The following CDPF1 variants were observed in gnomAD, a reference collection of about 807,000 sequenced individuals.
CDPF1 encodes the protein cysteine-rich DPF motif domain-containing protein 1.
A neutral mutation model predicts 8.3 loss-of-function variants in CDPF1; 8 were observed. The ratio of observed to expected loss-of-function variants is 0.96; its 90% CI spans 0.57 to 1.74. The LOEUF (loss-of-function observed/expected upper bound fraction) is 1.74, where lower values mean the gene tolerates loss of function less well. CDPF1 is among the 40% of genes most tolerant of loss of function. The pLI, the probability that CDPF1 is intolerant of heterozygous loss-of-function variation, is 0.00. For synonymous variants in CDPF1, 62 were observed against 62.9 expected, an observed-to-expected ratio of 0.99 and a Z score of 0.07; for missense variants, 151 against 155.3, an observed-to-expected ratio of 0.97 and a Z score of 0.15.
chr22:46,244,859 G>C lies in CDPF1; in HGVS notation c.*233C>G. The C allele has an allele frequency of 1.9e-6, 1 of 519,954 alleles. No homozygotes were observed. Among genetic ancestry groups the C allele is most frequent in the Non-Finnish European group, 3.5e-6 (1 of 289,062 alleles). The allele number at this position is 519,954 out of a possible 1,614,324, so 32.2% of individuals were successfully genotyped here. ...AGGGGCATGTGGGGGGACCTGGCCG[G>C]GTTCCTGGCTGTGTCTTGTCTGGCA... is the stretch of plus-strand genomic sequence containing the variant. On this transcript the variant is annotated 3_prime_UTR_variant, in exon 4 of 4. Transcript: ENST00000314567. The surrounding 1 kb of genome is among the most constrained non-coding windows in gnomAD (Gnocchi z 6.7).
Position 46,245,535 on chromosome 22 carries a change from C to G in CDPF1, c.226-297G>C, listed in dbSNP as rs932078046. Among the ~76,000 whole-genome samples the G allele has an allele frequency of 1.3e-5, 2 of 152,224 alleles. No homozygotes were observed. The stretch of plus-strand genomic sequence containing the variant: ...ACGGGGCAGTGACAACAATGGAAAG[C>G]TGGAGCACAGGCCATGCCCCGAAAA... On this transcript the variant is annotated intron_variant, in intron 3 of 3. Transcript: ENST00000314567. This position sits in a 1 kb window ranked among gnomAD's most constrained non-coding sequence, Gnocchi z 6.9.
chr22:46,246,992 G>A lies in CDPF1; in HGVS notation c.225+118C>T. On this transcript the variant is annotated intron_variant, in intron 3 of 3. Transcript: ENST00000314567. This position sits in a 1 kb window ranked among gnomAD's most constrained non-coding sequence, Gnocchi z 7.1. The stretch of plus-strand genomic sequence containing the variant: ...ACCTCTCCCCTTCATCAGCTGAGGG[G>A]CCCCATCTATAATGGGGTGAACCCG... The A allele has an allele frequency of 8.0e-7, 1 of 1,250,644 alleles. No individual in the cohort carries two copies. Among genetic ancestry groups the A allele is most frequent in the South Asian group, 1.4e-5 (1 of 70,700 alleles). 77.5% of individuals were successfully genotyped at this position (1,250,644 alleles called of 1,614,324 possible). A position where few individuals can be genotyped will look rare whatever the true frequency, so the allele number is the denominator to read the frequency against.
chr22:46,248,941 C>T lies in CDPF1; in HGVS notation c.1-657G>A, dbSNP rs1377963570. On this transcript the variant is annotated intron_variant, in intron 1 of 3. Coordinates refer to ENST00000314567, the MANE Select transcript of CDPF1 (RefSeq NM_207327.5). The surrounding 1 kb of genome is among the most constrained non-coding windows in gnomAD (Gnocchi z 4.1). ...GTCTGAGGCAGGAGAATGGCGTGAACCCAGGAGACGGAGCTTGCAGTGAGC... is the reference window on the plus strand; with the variant it reads ...GTCTGAGGCAGGAGAATGGCGTGAATCCAGGAGACGGAGCTTGCAGTGAGC... Among the ~76,000 whole-genome samples the T allele has an allele frequency of 1.3e-5, 2 of 152,194 alleles. No homozygotes were observed. Among genetic ancestry groups the T allele is most frequent in the South Asian group, 4.1e-4 (2 of 4,838 alleles).
At position 46,245,529 on chromosome 22, in the gene CDPF1, G is replaced by A. The variant is rs1355448526; in HGVS notation, c.226-291C>T. On this transcript the variant is annotated intron_variant, in intron 3 of 3. Coordinates refer to ENST00000314567, the MANE Select transcript of CDPF1 (RefSeq NM_207327.5). The surrounding 1 kb of genome is among the most constrained non-coding windows in gnomAD (Gnocchi z 6.9). ...TCCATCACGGGGCAGTGACAACAAT[G>A]GAAAGCTGGAGCACAGGCCATGCCC... is the stretch of plus-strand genomic sequence containing the variant. Among the ~76,000 whole-genome samples the A allele has an allele frequency of 6.6e-6, 1 of 152,208 alleles. No homozygotes were observed. Among genetic ancestry groups the A allele is most frequent in the Non-Finnish European group, 1.5e-5 (1 of 68,032 alleles).
rs1050820966 is a variant in CDPF1, at chr22:46,244,510, C to T, written c.*582G>A. On this transcript the variant is annotated 3_prime_UTR_variant, in exon 4 of 4. Transcript: ENST00000314567. This position sits in a 1 kb window ranked among gnomAD's most constrained non-coding sequence, Gnocchi z 6.7. ...ATGTTTCAGTGGAAGATTCCTTTTC[C>T]AAACATGAGCTGGTTCTTTGGGTTT... 3 of 152,254 alleles carry T rather than the reference C, an allele frequency of 2.0e-5. No individual in the cohort carries two copies. The highest frequency in any genetic ancestry group is 6.5e-5 in the Admixed American group (1 of 15,290). 9.4% of individuals were successfully genotyped at this position (152,254 alleles called of 1,614,324 possible).
chr22:46,246,871 C>G lies in CDPF1; in HGVS notation c.225+239G>C, dbSNP rs1432490027. ...ACTGTTGGTGGGAAGGGGAGGAACC[C>G]TGAGGGGCCACTGGGGTGGGTGCAG... On this transcript the variant is annotated intron_variant, in intron 3 of 3. Transcript: ENST00000314567. The surrounding 1 kb of genome is among the most constrained non-coding windows in gnomAD (Gnocchi z 7.1). The G allele has an allele frequency of 6.5e-7, 1 of 1,529,146 alleles. No homozygotes were observed. The highest frequency in any genetic ancestry group is 8.8e-7 in the Non-Finnish European group (1 of 1,135,232). 94.7% of individuals were successfully genotyped at this position (1,529,146 alleles called of 1,614,324 possible). A position where few individuals can be genotyped will look rare whatever the true frequency, so the allele number is the denominator to read the frequency against.
rs1327188786 is a variant in CDPF1 at position 46,249,644 on chromosome 22, T to A, written c.-1+612A>T. Among the ~76,000 whole-genome samples the A allele has an allele frequency of 7.0e-6, 1 of 142,012 alleles. No individual in the cohort carries two copies. Among genetic ancestry groups the A allele is most frequent in the African/African-American group, 2.7e-5 (1 of 37,734 alleles). 93.2% of individuals were successfully genotyped at this position (142,012 alleles called of 152,430 possible). Reference sequence around the variant, plus strand: ...AGCCTGGGCGACAGGGCGAGACTCCTTCTCAAAAAAATAAAAATTAAAATT... The same window carrying A: ...AGCCTGGGCGACAGGGCGAGACTCCATCTCAAAAAAATAAAAATTAAAATT... On this transcript the variant is annotated intron_variant, in intron 1 of 3. Coordinates refer to ENST00000314567, the MANE Select transcript of CDPF1 (RefSeq NM_207327.5). The surrounding 1 kb of genome is among the most constrained non-coding windows in gnomAD (Gnocchi z 4.6).
rs1031717247 is a variant in CDPF1, at chr22:46,246,523, C to T, written c.225+587G>A. The stretch of plus-strand genomic sequence containing the variant: ...GGACTTCTCAGACTCTGGGGTCACT[C>T]TGAGTACACTGGGCACGCTGTGAAA... On this transcript the variant is annotated intron_variant, in intron 3 of 3. Coordinates refer to ENST00000314567, the MANE Select transcript of CDPF1 (RefSeq NM_207327.5). This position sits in a 1 kb window ranked among gnomAD's most constrained non-coding sequence, Gnocchi z 7.1. 65 of 946,438 alleles carry T rather than the reference C, an allele frequency of 6.9e-5. No homozygotes were observed. The highest frequency in any genetic ancestry group is 1.1e-5 in the Non-Finnish European group (7 of 639,886). The allele number at this position is 946,438 out of a possible 1,614,324, so 58.6% of individuals were successfully genotyped here.
rs959391099 is a variant in CDPF1, at chr22:46,249,813, C to A, written c.-1+443G>T. Among the ~76,000 whole-genome samples the A allele has an allele frequency of 6.6e-6, 1 of 152,096 alleles. No homozygotes were observed. Among genetic ancestry groups the A allele is most frequent in the Non-Finnish European group, 1.5e-5 (1 of 68,014 alleles). On this transcript the variant is annotated intron_variant, in intron 1 of 3. Coordinates refer to ENST00000314567, the MANE Select transcript of CDPF1 (RefSeq NM_207327.5). This position sits in a 1 kb window ranked among gnomAD's most constrained non-coding sequence, Gnocchi z 4.6. ...GAGGTTGCGGTGAGCCGAGATCGCG[C>A]CACTGCATTCCAGCCTGGGCGACAG...
At position 46,248,520 on chromosome 22, in the gene CDPF1, A is replaced by G. The variant is rs1402131897; in HGVS notation, c.1-236T>C. 1.3e-5 allele frequency among the ~76,000 whole-genome samples: 2 copies of G among 152,226 alleles called. No individual in the cohort carries two copies. Among genetic ancestry groups the G allele is most frequent in the Non-Finnish European group, 2.9e-5 (2 of 68,040 alleles). The stretch of plus-strand genomic sequence containing the variant: ...TGTACTGCTAGAGAGAAGGATCCAG[A>G]CAGGATCAAGCCAGAGCACCCATCT... On this transcript the variant is annotated intron_variant, in intron 1 of 3. Transcript: ENST00000314567. This position sits in a 1 kb window ranked among gnomAD's most constrained non-coding sequence, Gnocchi z 4.1.
chr22:46,248,880 G>A lies in CDPF1; in HGVS notation c.1-596C>T, dbSNP rs1209669644. Among the ~76,000 whole-genome samples, 9 of 152,170 alleles carry A rather than the reference G, an allele frequency of 5.9e-5. No homozygotes were observed. Among genetic ancestry groups the A allele is most frequent in the Admixed American group, 6.5e-5 (1 of 15,278 alleles). ...TAAAAATACAAAAAATTAGCCAGGC[G>A]TGGTGGCGGGCGCCTATAGTCTCAG... On this transcript the variant is annotated intron_variant, in intron 1 of 3. Transcript: ENST00000314567. This position sits in a 1 kb window ranked among gnomAD's most constrained non-coding sequence, Gnocchi z 4.1.
rs1013890517 is a variant in CDPF1, at chr22:46,249,194, T to C, written c.1-910A>G. ...GATTACCCAGCTCCTTCTTTGACTA[T>C]GGAATCAAGTACGACATTATCAGCT... On this transcript the variant is annotated intron_variant, in intron 1 of 3. Transcript: ENST00000314567. This position sits in a 1 kb window ranked among gnomAD's most constrained non-coding sequence, Gnocchi z 4.6. Among the ~76,000 whole-genome samples, 32 of 152,166 alleles carry C rather than the reference T, an allele frequency of 2.1e-4. No homozygotes were observed. The highest frequency in any genetic ancestry group is 6.5e-5 in the Admixed American group (1 of 15,270).
chr22:46,249,263 C>T lies in CDPF1; in HGVS notation c.1-979G>A, dbSNP rs1410706924. Among the ~76,000 whole-genome samples, 3 of 152,162 alleles carry T rather than the reference C, an allele frequency of 2.0e-5. No individual in the cohort carries two copies. Among genetic ancestry groups the T allele is most frequent in the African/African-American group, 7.2e-5 (3 of 41,436 alleles). ...GTGACCTCCCCTCGCCTGAACTGAGCGTGGTGTATAAAGGCGTATCAAATG... is the reference window on the plus strand; with the variant it reads ...GTGACCTCCCCTCGCCTGAACTGAGTGTGGTGTATAAAGGCGTATCAAATG... On this transcript the variant is annotated intron_variant, in intron 1 of 3. Coordinates refer to ENST00000314567, the MANE Select transcript of CDPF1 (RefSeq NM_207327.5). This position sits in a 1 kb window ranked among gnomAD's most constrained non-coding sequence, Gnocchi z 4.6.
At position 46,248,803 on chromosome 22, in the gene CDPF1, G is replaced by A. The variant is rs1342413806; in HGVS notation, c.1-519C>T. Among the ~76,000 whole-genome samples the A allele has an allele frequency of 2.6e-5, 4 of 152,110 alleles. No individual in the cohort carries two copies. Among genetic ancestry groups the A allele is most frequent in the Non-Finnish European group, 5.9e-5 (4 of 68,006 alleles). On this transcript the variant is annotated intron_variant, in intron 1 of 3. Coordinates refer to ENST00000314567, the MANE Select transcript of CDPF1 (RefSeq NM_207327.5). The surrounding 1 kb of genome is among the most constrained non-coding windows in gnomAD (Gnocchi z 4.1). ...TGGGAGGCCAAGGCAGGCGGATCAC[G>A]AGGTCAGGAGATCGAGACCATCTAG...
At position 46,246,102 on chromosome 22, in the gene CDPF1, C is replaced by T. The variant is rs1936486098; in HGVS notation, c.226-864G>A. On this transcript the variant is annotated intron_variant, in intron 3 of 3. Coordinates refer to ENST00000314567, the MANE Select transcript of CDPF1 (RefSeq NM_207327.5). The surrounding 1 kb of genome is among the most constrained non-coding windows in gnomAD (Gnocchi z 7.1). The stretch of plus-strand genomic sequence containing the variant: ...CTCTTATTTTTGGTGTCTGTCTGTT[C>T]TTAAAGCTTAGTGTGCTCGCAAACA... 2.0e-5 allele frequency among the ~76,000 whole-genome samples: 3 copies of T among 152,198 alleles called. No homozygotes were observed. Among genetic ancestry groups the T allele is most frequent in the Non-Finnish European group, 2.9e-5 (2 of 68,018 alleles).
Position 46,248,152 on chromosome 22 carries a change from C to A in CDPF1, c.113+20G>T, listed in dbSNP as rs1258949556. 1 of 1,581,106 alleles carries A rather than the reference C, an allele frequency of 6.3e-7. No homozygotes were observed. The highest frequency in any genetic ancestry group is 1.1e-5 in the South Asian group (1 of 89,590). On this transcript the variant is annotated intron_variant, in intron 2 of 3. Transcript: ENST00000314567. The surrounding 1 kb of genome is among the most constrained non-coding windows in gnomAD (Gnocchi z 4.1). ...TGGGCACAGGCCTCCCCGGCACTGG[C>A]CCAAAAGGCATGCACTCACACCATC... is the stretch of plus-strand genomic sequence containing the variant.
Position 46,247,036 on chromosome 22 carries a change from C to T in CDPF1, c.225+74G>A. On this transcript the variant is annotated intron_variant, in intron 3 of 3. Transcript: ENST00000314567. This position sits in a 1 kb window ranked among gnomAD's most constrained non-coding sequence, Gnocchi z 4.3. The stretch of plus-strand genomic sequence containing the variant: ...GAACCCGCTGCTCCCTCTCTCCCAG[C>T]CCTCCCTACCCAGGGAGAGCTCCAG... The T allele has an allele frequency of 7.3e-7, 1 of 1,373,156 alleles. No homozygotes were observed. Among genetic ancestry groups the T allele is most frequent in the Non-Finnish European group, 1.0e-6 (1 of 981,100 alleles). 85.1% of individuals were successfully genotyped at this position (1,373,156 alleles called of 1,614,324 possible). A position where few individuals can be genotyped will look rare whatever the true frequency, so the allele number is the denominator to read the frequency against.
Position 46,245,105 on chromosome 22 carries a change from C to G in CDPF1, c.359G>C (p.Gly120Ala), listed in dbSNP as rs966121034. The change falls in exon 4 of 4, where the codon GGT (glycine) becomes GCT (alanine). Residue 120 changes from glycine to alanine, a missense_variant. Physicochemically the swap from Gly to Ala is moderately conservative, Grantham distance 60. Coordinates refer to ENST00000314567, the MANE Select transcript of CDPF1 (RefSeq NM_207327.5). The surrounding 1 kb of genome is among the most constrained non-coding windows in gnomAD (Gnocchi z 6.9). ...APSKRTPSQP[G>A]SRT Reference sequence around the variant, plus strand: ...CCCCAGTTGCACTCACGTCCGAGAACCGGGCTGGCTGGGGGTCCTCTTTGA... The same window carrying G: ...CCCCAGTTGCACTCACGTCCGAGAAGCGGGCTGGCTGGGGGTCCTCTTTGA... 6.2e-7 allele frequency: 1 copy of G among 1,614,226 alleles called. No individual in the cohort carries two copies.
rs144733194 is a variant in CDPF1 at position 46,249,084 on chromosome 22, G to GT, written c.1-801dup. The stretch of plus-strand genomic sequence containing the variant: ...ATGGAACCCCCTTCTCATGTTCATG[G>GT]TTGGGTCTTGGAGGCCTCTCTTTCC... On this transcript the variant is annotated intron_variant, in intron 1 of 3. Coordinates refer to ENST00000314567, the MANE Select transcript of CDPF1 (RefSeq NM_207327.5). This position sits in a 1 kb window ranked among gnomAD's most constrained non-coding sequence, Gnocchi z 4.6. Among the ~76,000 whole-genome samples, 3,225 of 152,248 alleles carry GT rather than the reference G, an allele frequency of 0.021. 156 individuals are homozygous for GT. The highest frequency in any genetic ancestry group is 0.12 in the East Asian group (632 of 5,166).
Sources: gnomAD v4.1 joint callset for allele counts (sites outside exome capture counted in the v4.1 genomes callset) on GRCh38, gnomAD v4.1.1 for gene constraint, Gnocchi (gnomAD v3.1) non-coding constraint, MANE v1.5 for transcripts, NCBI Gene and HGNC (gene_info 2026-07-23, HGNC 2026-07-21) for gene names.